Variants in ADAMTSL3 observed in about 807,000 individuals in gnomAD.
ADAMTSL3 encodes the protein ADAMTS-like protein 3.
ADAMTSL3 carries 128 observed loss-of-function variants against 201.7 expected under a neutral mutation model. The observed-to-expected ratio is 0.63, with a 90% CI of 0.55 to 0.73. The LOEUF is 0.73. Ranked by LOEUF, ADAMTSL3 falls within the 30% of genes least tolerant of loss-of-function variation. The pLI, the probability that ADAMTSL3 is intolerant of heterozygous loss-of-function variation, is 0.00. For synonymous variants in ADAMTSL3, 738 were observed against 748.4 expected, an observed-to-expected ratio of 0.99 and a Z score of 0.23; for missense variants, 1,990 against 2,119.6, an observed-to-expected ratio of 0.94 and a Z score of 1.20.
At chr15:83,845,908 G>T (rs1278256019) in intron 7 of ADAMTSL3, among the ~76,000 whole-genome samples, 1 of 152,104 alleles carries the variant, frequency 6.6e-6, no homozygotes, top group Non-Finnish European at 1.5e-5. Context: ...CCCCTCATTG[G>T]TATGTGAGCT....
At chr15:83,692,811 C>G (rs1166884782) in intron 2 of ADAMTSL3, among the ~76,000 whole-genome samples, 1 of 151,966 alleles carries the variant, frequency 6.6e-6, no homozygotes, top group Non-Finnish European at 1.5e-5. Context: ...AACAAACCAG[C>G]TTAAGATGAA....
intron 4 of ADAMTSL3, among the ~76,000 whole-genome samples, chr15:83,778,937 T>C (rs958830925): frequency 1.3e-5 from 2 of 151,834 alleles, no homozygotes; most frequent in African/African-American, 4.8e-5. Context: ...ACCAAAAAAA[T>C]GGAAAACAGA....
rs116481752 is a variant in ADAMTSL3 at position 84,024,427 on chromosome 15, A to G, written c.4458-811A>G. 6.6e-3 allele frequency among the ~76,000 whole-genome samples: 1,007 copies of G among 152,350 alleles called. 8 individuals carry two copies. Among genetic ancestry groups the G allele is most frequent in the African/African-American group, 0.023 (942 of 41,584 alleles). On this transcript the variant is annotated intron_variant, in intron 26 of 29. Transcript: ENST00000286744. ...ATATCTATGATTTCTATTGGTAACA[A>G]AATCACAGGTATTATTAATGCTACT...
chr15:84,000,365 G>T (rs903240658), intron 23 of ADAMTSL3, among the ~76,000 whole-genome samples: 1 of 151,962 alleles, frequency 6.6e-6, no homozygotes, highest in African/African-American at 2.4e-5. Flanking sequence ...ACTCAAAAAG[G>T]CTCCCCTTCC....
At chr15:83,952,854 T>A (rs925269090) in intron 19 of ADAMTSL3, among the ~76,000 whole-genome samples, 1 of 151,942 alleles carries the variant, frequency 6.6e-6, no homozygotes, top group Non-Finnish European at 1.5e-5. Context: ...CTTGCTGAAC[T>A]GACCCCTCTA....
chr15:83,997,564 G>A (rs763350533), intron 23 of ADAMTSL3, among the ~76,000 whole-genome samples: 1 of 152,066 alleles, frequency 6.6e-6, no homozygotes. Flanking sequence ...TCTCCAGCCC[G>A]GGCAACAAGA....
At chr15:83,989,174 G>A (rs1042651344) in intron 22 of ADAMTSL3, among the ~76,000 whole-genome samples, 8 of 152,138 alleles carry the variant, frequency 5.3e-5, no homozygotes, top group African/African-American at 9.7e-5. Context: ...GAGCCACCGC[G>A]CCTGGCTGTT....
intron 8 of ADAMTSL3, among the ~76,000 whole-genome samples, chr15:83,864,463 G>A (rs1395073310): frequency 2.6e-5 from 4 of 152,102 alleles, no homozygotes; most frequent in Non-Finnish European, 4.4e-5. Flanking sequence ...TTCAACATAC[G>A]CAAATCAATA....
At chr15:83,768,095 A>T (rs2062921502) in intron 3 of ADAMTSL3, among the ~76,000 whole-genome samples, 1 of 152,216 alleles carries the variant, frequency 6.6e-6, no homozygotes, top group South Asian at 2.1e-4. Flanking sequence ...TTGCATAAGT[A>T]CAAATGGGAG....
chr15:83,718,280 A>T (rs2062047121), intron 3 of ADAMTSL3, among the ~76,000 whole-genome samples: 1 of 152,150 alleles, frequency 6.6e-6, no homozygotes, highest in Admixed American at 6.6e-5. Context: ...CTGGGTCTGG[A>T]GGTAAAACAA....
intron 23 of ADAMTSL3, among the ~76,000 whole-genome samples, chr15:84,008,314 C>T (rs1282041395): frequency 1.3e-5 from 2 of 152,140 alleles, no homozygotes; most frequent in African/African-American, 4.8e-5. Context: ...AGGCTGGCCT[C>T]GAACTCCTGA....
chr15:83,922,342 A>G (rs922900843), intron 16 of ADAMTSL3, among the ~76,000 whole-genome samples: 5 of 152,232 alleles, frequency 3.3e-5, no homozygotes, highest in East Asian at 1.9e-4. Context: ...GTGTTGTACA[A>G]TTCCACCCAG....
chr15:83,825,447 C>T (rs771068372), intron 6 of ADAMTSL3, among the ~76,000 whole-genome samples: 1 of 151,990 alleles, frequency 6.6e-6, no homozygotes, highest in Non-Finnish European at 1.5e-5. Flanking sequence ...CTCGTTTCTA[C>T]AAAAACTTTT....
chr15:83,754,775 A>G (rs1172213181), intron 3 of ADAMTSL3, among the ~76,000 whole-genome samples: 2 of 152,212 alleles, frequency 1.3e-5, no homozygotes, highest in Non-Finnish European at 2.9e-5. Context: ...AATGAAATAA[A>G]ACTGAAGGAT....
intron 7 of ADAMTSL3, among the ~76,000 whole-genome samples, chr15:83,850,222 T>C (rs1328370799): frequency 1.3e-5 from 2 of 152,070 alleles, no homozygotes; most frequent in Admixed American, 6.6e-5. Context: ...TTTCCAAGAC[T>C]AATTAATCCC....
At chr15:83,779,808 A>C (rs1464829803) in intron 4 of ADAMTSL3, among the ~76,000 whole-genome samples, 1 of 152,164 alleles carries the variant, frequency 6.6e-6, no homozygotes, top group African/African-American at 2.4e-5. Flanking sequence ...ATGGAAATTG[A>C]ATAACTTGCT....
Position 83,904,280 on chromosome 15 carries a change from A to C in ADAMTSL3, c.1700+4549A>C, listed in dbSNP as rs563218868. Among the ~76,000 whole-genome samples, 6 of 151,868 alleles carry C rather than the reference A, an allele frequency of 4.0e-5. No individual in the cohort carries two copies. The East Asian group carries it at 7.8e-4, about 20-fold the overall frequency. On this transcript the variant is annotated intron_variant, in intron 15 of 29. Coordinates refer to ENST00000286744, the MANE Select transcript of ADAMTSL3 (RefSeq NM_207517.3). Reference sequence around the variant, plus strand: ...GGCCTGGTCCTGGCCATCTAGTGTGAAGTTTATATTTTCCTGCCACCACTT... The same window carrying C: ...GGCCTGGTCCTGGCCATCTAGTGTGCAGTTTATATTTTCCTGCCACCACTT...
chr15:83,682,670 A>G (rs907950967), intron 2 of ADAMTSL3, among the ~76,000 whole-genome samples: 2 of 152,176 alleles, frequency 1.3e-5, no homozygotes, highest in African/African-American at 2.4e-5. Context: ...TTTATTGTAC[A>G]AGGAAGCATG....
intron 3 of ADAMTSL3, among the ~76,000 whole-genome samples, chr15:83,725,892 A>G (rs1013294398): frequency 1.3e-5 from 2 of 152,122 alleles, no homozygotes; most frequent in African/African-American, 4.8e-5. Context: ...TTGTGGTTCC[A>G]CAGAAATTTT....
Sources: allele counts gnomAD v4.1 joint callset (sites outside exome capture counted in the v4.1 genomes callset), GRCh38; gene constraint gnomAD v4.1.1; transcripts MANE v1.5; gene names NCBI Gene and HGNC (gene_info 2026-07-23, HGNC 2026-07-21).